Variants in PRKG2 observed in about 807,000 individuals in gnomAD.
The protein encoded by PRKG2 is protein kinase cGMP-dependent 2, also known as cGMP-dependent protein kinase 2.
In PRKG2, 33 loss-of-function variants were observed where a neutral mutation model predicts 97.2. The ratio of observed to expected loss-of-function variants is 0.34; its 90% CI spans 0.26 to 0.45. The LOEUF (loss-of-function observed/expected upper bound fraction) is 0.45, where lower values mean the gene tolerates loss of function less well. Among genes scored for constraint, PRKG2 ranks in the 20% least tolerant of loss-of-function variants. The probability of loss-of-function intolerance (pLI) is 1.00; values close to 1 mark genes in which losing one functional copy is unlikely to be tolerated. For synonymous variants in PRKG2, 330 were observed against 321.8 expected, an observed-to-expected ratio of 1.03 and a Z score of -0.27; for missense variants, 638 against 900.0, an observed-to-expected ratio of 0.71 and a Z score of 3.73.
chr4:81,197,453 T>C (rs1157264637), intron 2 of PRKG2, among the ~76,000 whole-genome samples: 1 of 152,202 alleles, frequency 6.6e-6, no homozygotes, highest in African/African-American at 2.4e-5. Context: ...ATATCCTACA[T>C]AAATTAAAAC....
chr4:81,141,238 T>C (rs6817840), intron 11 of PRKG2, among the ~76,000 whole-genome samples: 6,862 of 152,180 alleles, frequency 0.045, 533 homozygotes, highest in African/African-American at 0.16. Context: ...TTCAAACTCC[T>C]GAGCCCAAGC....
At chr4:81,205,167 T>A (rs1298798414) in intron 1 of PRKG2, 107 bp from the exon 2 acceptor site, 3 of 677,040 alleles carry the variant, frequency 4.4e-6, no homozygotes, top group Non-Finnish European at 7.0e-6. Context: ...CACAGTAATC[T>A]TCATTGTTTG....
chr4:81,100,596 A>G (rs1474023464), intron 17 of PRKG2, among the ~76,000 whole-genome samples: 2 of 152,248 alleles, frequency 1.3e-5, no homozygotes, highest in African/African-American at 2.4e-5. Context: ...CGTTAGACCT[A>G]GAACCATAAA....
At chr4:81,111,123 T>A (rs1743886697) in intron 14 of PRKG2, among the ~76,000 whole-genome samples, 1 of 152,072 alleles carries the variant, frequency 6.6e-6, no homozygotes, top group African/African-American at 2.4e-5. Flanking sequence ...GGCTTAATAC[T>A]CTGGACAGTC....
chr4:81,194,891 A>G (rs1010063121), intron 2 of PRKG2, among the ~76,000 whole-genome samples: 1 of 151,640 alleles, frequency 6.6e-6, no homozygotes, highest in African/African-American at 2.4e-5. Context: ...TGGTGGCTTC[A>G]TATGAGAATC....
At chr4:81,207,611 A>T (rs1753751862) in intron 1 of PRKG2, among the ~76,000 whole-genome samples, 1 of 152,196 alleles carries the variant, frequency 6.6e-6, no homozygotes, top group South Asian at 2.1e-4. Flanking sequence ...CAATAATTTT[A>T]CAAACTTGAA....
chr4:81,174,550 ATCTC>A (rs1750757776), intron 3 of PRKG2, among the ~76,000 whole-genome samples: 1 of 151,966 alleles, frequency 6.6e-6, no homozygotes, highest in Non-Finnish European at 1.5e-5. Context: ...ATAAAATGTG[ATCTC>A]TCTATCAACT....
Position 81,174,804 on chromosome 4 carries a change from A to G in PRKG2, c.617T>C (p.Phe206Ser). 1 of 1,610,352 alleles carries G rather than the reference A, an allele frequency of 6.2e-7. No homozygotes were observed. Residue 206 changes from phenylalanine to serine, a missense_variant, in exon 3 of 19, where the codon TTT (phenylalanine) becomes TCT (serine). Physicochemically the swap from Phe to Ser is radical, Grantham distance 155. Around this residue, in one of 3 missense-constraint regions of PRKG2, gnomAD observed 332 missense variants for 421.7 expected, o/e 0.79. Coordinates refer to ENST00000264399, the MANE Select transcript of PRKG2 (RefSeq NM_006259.3). ...IKQGEPGNHI[F>S]VLAEGRLEVF... is the part of the protein sequence containing the mutation. The stretch of plus-strand genomic sequence containing the variant: ...TCTGTGAAACCCACCTGCCAGCACA[A>G]AGATATGGTTTCCTGGTTCTCCTTG...
chr4:81,195,027 T>A (rs1752869296), intron 2 of PRKG2, among the ~76,000 whole-genome samples: 1 of 152,146 alleles, frequency 6.6e-6, no homozygotes, highest in African/African-American at 2.4e-5. Flanking sequence ...GTACTTCTTA[T>A]TACAGGTGAT....
At chr4:81,112,776 C>T (rs769983727) in intron 14 of PRKG2, among the ~76,000 whole-genome samples, 1 of 152,064 alleles carries the variant, frequency 6.6e-6, no homozygotes, top group Non-Finnish European at 1.5e-5. Flanking sequence ...TATAGAAGGC[C>T]CCAAATCTTC....
chr4:81,186,406 T>C (rs1329948131), intron 2 of PRKG2, among the ~76,000 whole-genome samples: 1 of 151,978 alleles, frequency 6.6e-6, no homozygotes, highest in Non-Finnish European at 1.5e-5. Context: ...CAGAAATAAA[T>C]AAGTTCTTTG....
At chr4:81,109,793 G>A (rs902223093) in intron 15 of PRKG2, among the ~76,000 whole-genome samples, 1 of 152,148 alleles carries the variant, frequency 6.6e-6, no homozygotes, top group African/African-American at 2.4e-5. Context: ...CTGTGTATGT[G>A]TGTTTGCGTA....
At chr4:81,216,756 G>A (rs1754285311), upstream of PRKG2, among the ~76,000 whole-genome samples, 1 of 151,820 alleles carries the variant, frequency 6.6e-6, no homozygotes, top group South Asian at 2.1e-4. Context: ...CCATTGTTTA[G>A]CTGCCACTTA....
chr4:81,130,874 T>C (rs1746107958), intron 14 of PRKG2, among the ~76,000 whole-genome samples: 1 of 152,166 alleles, frequency 6.6e-6, no homozygotes, highest in Non-Finnish European at 1.5e-5. Flanking sequence ...CAGACTGCTG[T>C]GCTGGCAGGG....
At chr4:81,156,693 C>A (rs1214271974) in intron 6 of PRKG2, among the ~76,000 whole-genome samples, 1 of 152,194 alleles carries the variant, frequency 6.6e-6, no homozygotes, top group Non-Finnish European at 1.5e-5. Flanking sequence ...AAGCTCTCCT[C>A]AGCAAATGTA....
At chr4:81,147,780 A>C (rs1748001232) in intron 9 of PRKG2, among the ~76,000 whole-genome samples, 1 of 152,080 alleles carries the variant, frequency 6.6e-6, no homozygotes, top group Non-Finnish European at 1.5e-5. Context: ...AATAACTCTA[A>C]GTGATATTAA....
intron 11 of PRKG2, 35 bp downstream of exon 11, chr4:81,142,759 G>T (rs747184356): frequency 1.3e-6 from 2 of 1,499,010 alleles, no homozygotes; most frequent in Non-Finnish European, 1.8e-6. Context: ...AAGTCAAAAG[G>T]CTTCTCTCAG....
At chr4:81,144,467 A>C in intron 9 of PRKG2, 137 bp from the exon 10 acceptor site, 1 of 667,664 alleles carries the variant, frequency 1.5e-6, no homozygotes, top group Non-Finnish European at 2.5e-6. Flanking sequence ...TGAAATATTG[A>C]AGTTGATGTA....
intron 8 of PRKG2, among the ~76,000 whole-genome samples, chr4:81,150,995 T>G (rs1448942276): frequency 6.6e-6 from 1 of 152,136 alleles, no homozygotes; most frequent in Non-Finnish European, 1.5e-5. Context: ...TTTGGTTTTC[T>G]TTAAAAACTA....
Sources: allele counts gnomAD v4.1 joint callset (sites outside exome capture counted in the v4.1 genomes callset), GRCh38; gene constraint gnomAD v4.1.1; regional missense constraint gnomAD v4.1.1; transcripts MANE v1.5; gene names NCBI Gene and HGNC (gene_info 2026-07-23, HGNC 2026-07-21).